GREB1: variants seen among roughly 807,000 people sequenced by gnomAD.
GREB1 encodes protein GREB1.
Under a neutral mutation model 200.7 loss-of-function variants are expected in GREB1, and 106 were observed. The observed-to-expected ratio is 0.53, with a 90% confidence interval of 0.45 to 0.62. The LOEUF (loss-of-function observed/expected upper bound fraction) is 0.62. Ranked by LOEUF, GREB1 falls within the 20% of genes least tolerant of loss-of-function variation. The pLI, the probability that GREB1 is intolerant of heterozygous loss-of-function variation, is 0.00. For missense variants in GREB1, 2,243 were observed against 2,556.8 expected (o/e 0.88, Z 2.65); for synonymous variants, 1,132 against 1,092.4 (o/e 1.04, Z -0.72).
chr2:11,605,126 G>A (rs1377579184), intron 17 of GREB1, among the ~76,000 whole-genome samples: 1 of 140,586 alleles, frequency 7.1e-6, no homozygotes, highest in African/African-American at 2.6e-5. Flanking sequence ...GTCTGGAGCT[G>A]GGCACCAGAG....
intron 3 of GREB1, among the ~76,000 whole-genome samples, chr2:11,563,720 C>T (rs1422906335): frequency 2.6e-5 from 4 of 152,160 alleles, no homozygotes; most frequent in Non-Finnish European, 5.9e-5. Context: ...ACAAATATTT[C>T]TGGAATGCCT....
chr2:11,573,510 T>C (rs1227512887), intron 4 of GREB1, among the ~76,000 whole-genome samples: 3 of 152,190 alleles, frequency 2.0e-5, no homozygotes, highest in Admixed American at 1.3e-4. Flanking sequence ...GCTCATTATT[T>C]TCCTCTTTCT....
In GREB1 at chr2:11,631,971, C is replaced by G. The variant is rs757789807; in HGVS notation, c.4674C>G (p.Leu1558=). 1.2e-6 allele frequency: 2 copies of G among 1,614,188 alleles called. No homozygotes were observed. The highest frequency in any genetic ancestry group is 1.3e-5 in the African/African-American group (1 of 75,046). The part of the protein sequence containing the change: ...TPTTGRHEHG[L]FNLYHAMDGA... ...CCACCGGCCGTCACGAACATGGGCT[C>G]TTTAATCTGTACCACGCAATGGACG... Residue 1558 remains leucine (L), a synonymous_variant, in exon 27 of 33, where the codon CTC becomes CTG. Coordinates refer to ENST00000381486, the MANE Select transcript of GREB1 (RefSeq NM_014668.4).
At chr2:11,609,242 T>TTTTATTTATTTA (rs60473726) in intron 17 of GREB1, among the ~76,000 whole-genome samples, 12,411 of 136,800 alleles carry the variant, frequency 0.091, 702 homozygotes, top group East Asian at 0.11. Context: ...GGCATTATTA[T>TTTTATTTATTTA]TTTATTTATT....
intron 1 of GREB1, among the ~76,000 whole-genome samples, chr2:11,484,762 A>T (rs1672611155): frequency 6.6e-6 from 1 of 152,206 alleles, no homozygotes; most frequent in Non-Finnish European, 1.5e-5. Context: ...CACTGCACGT[A>T]GCAGGGGGTG....
At chr2:11,634,059 A>G (rs1229441412) in intron 28 of GREB1, 72 bp from the exon 29 acceptor site, 3 of 1,414,276 alleles carry the variant, frequency 2.1e-6, no homozygotes, top group Non-Finnish European at 3.0e-6. Context: ...CCGGTGCCAC[A>G]CTGCCTGGTC....
chr2:11,547,751 T>G (rs1021465501), intron 1 of GREB1, among the ~76,000 whole-genome samples: 2 of 152,226 alleles, frequency 1.3e-5, no homozygotes, highest in Non-Finnish European at 2.9e-5. Context: ...CCTTTTTTTC[T>G]TCTTCTCTGG....
intron 1 of GREB1, among the ~76,000 whole-genome samples, chr2:11,494,415 T>TG (rs1186068401): frequency 6.6e-6 from 1 of 152,254 alleles, no homozygotes; most frequent in East Asian, 1.9e-4. Flanking sequence ...GATTCCCTGA[T>TG]GGGGGTGCCC....
chr2:11,564,104 T>G (rs1677374568), intron 3 of GREB1, among the ~76,000 whole-genome samples: 1 of 152,050 alleles, frequency 6.6e-6, no homozygotes, highest in Non-Finnish European at 1.5e-5. Context: ...GCTTAGTGGG[T>G]GAAATTACAG....
chr2:11,637,809 C>A lies in GREB1; in HGVS notation c.5440C>A (p.Leu1814Met), dbSNP rs34955282. The change falls in exon 31 of 33, where the codon CTG becomes ATG. Residue 1814 changes from leucine to methionine, a missense_variant. Transcript: ENST00000381486. Reference sequence around the variant, plus strand: ...CCTCGCAGCGCCCGCCCAGCTCCTGCTGGAGAAGTTCCTGCAGCACCACAG... The same window carrying A: ...CCTCGCAGCGCCCGCCCAGCTCCTGATGGAGAAGTTCCTGCAGCACCACAG... ...TFLAAPAQLL[L>M]EKFLQHHSHL... 1 of 1,614,210 alleles carries A rather than the reference C, an allele frequency of 6.2e-7. No individual in the cohort carries two copies. The highest frequency in any genetic ancestry group is 1.7e-5 in the Admixed American group (1 of 60,028).
chr2:11,487,247 C>T (rs983320654), intron 1 of GREB1, among the ~76,000 whole-genome samples: 7 of 152,056 alleles, frequency 4.6e-5, no homozygotes, highest in African/African-American at 1.7e-4. Flanking sequence ...AACTTGACTG[C>T]TCTTAGGAAG....
In GREB1 at chr2:11,640,339, C is replaced by T. The variant is rs778032741; in HGVS notation, c.5735C>T (p.Thr1912Met). Residue 1912 changes from threonine (T) to methionine (M), a missense_variant, in exon 33 of 33, where the codon ACG (threonine) becomes ATG (methionine). Transcript: ENST00000381486. The surrounding 1 kb of genome is among the most constrained non-coding windows in gnomAD (Gnocchi z 4.6). ...ICQDRSSLRQ[T>M]VVRLELEDEW... Reference sequence around the variant, plus strand: ...CAGGACCGGAGCTCACTGCGCCAGACGGTCGTCCGCCTGGAGCTCGAGGAC... The same window carrying T: ...CAGGACCGGAGCTCACTGCGCCAGATGGTCGTCCGCCTGGAGCTCGAGGAC... The T allele has an allele frequency of 1.2e-6, 2 of 1,614,128 alleles. No individual in the cohort carries two copies. The highest frequency in any genetic ancestry group is 1.7e-6 in the Non-Finnish European group (2 of 1,180,018).
intron 17 of GREB1, among the ~76,000 whole-genome samples, chr2:11,606,635 T>C (rs1682317073): frequency 6.6e-6 from 1 of 152,038 alleles, no homozygotes. Flanking sequence ...CCTTTTACTT[T>C]GAGCATGTTT....
chr2:11,566,588 A>C lies in GREB1; in HGVS notation c.386A>C (p.Asp129Ala). 1.2e-6 allele frequency: 2 copies of C among 1,614,048 alleles called. No homozygotes were observed. Among genetic ancestry groups the C allele is most frequent in the Non-Finnish European group, 1.7e-6 (2 of 1,180,006 alleles). ...LVGVKSPSLP[D>A]HLLVCAVDKR... ...GGGGTCAAGTCCCCCAGCCTGCCGG[A>C]CCATCTCCTGGTGTGCGCCGTTGAC... The change falls in exon 4 of 33, where the codon GAC becomes GCC. Residue 129 changes from aspartate to alanine, a missense_variant. Physicochemically the swap from Asp to Ala is moderately radical, Grantham distance 126 (BLOSUM62 -2). Coordinates refer to ENST00000381486, the MANE Select transcript of GREB1 (RefSeq NM_014668.4).
At chr2:11,613,198 G>A (rs577393207) in intron 19 of GREB1, among the ~76,000 whole-genome samples, 1 of 152,126 alleles carries the variant, frequency 6.6e-6, no homozygotes, top group African/African-American at 2.4e-5. Flanking sequence ...CCGCTGGTGT[G>A]GGGGGTCTCT....
intron 1 of GREB1, among the ~76,000 whole-genome samples, chr2:11,514,161 C>T (rs1673424568): frequency 6.6e-6 from 1 of 152,180 alleles, no homozygotes; most frequent in African/African-American, 2.4e-5. Flanking sequence ...CTCCAAATCC[C>T]AGGAAGCAGG....
At chr2:11,608,600 A>G (rs1455580106) in intron 17 of GREB1, among the ~76,000 whole-genome samples, 1 of 152,214 alleles carries the variant, frequency 6.6e-6, no homozygotes, top group African/African-American at 2.4e-5. Context: ...GTTAGTCAGG[A>G]CCAGAGCAGT....
At chr2:11,496,987 G>T (rs967761627) in intron 1 of GREB1, among the ~76,000 whole-genome samples, 11 of 151,990 alleles carry the variant, frequency 7.2e-5, no homozygotes, top group Non-Finnish European at 1.5e-4. Context: ...GGTAGAGATG[G>T]GGTCTCACTT....
intron 1 of GREB1, among the ~76,000 whole-genome samples, chr2:11,513,529 C>G (rs1039589583): frequency 6.2e-4 from 95 of 152,320 alleles, no homozygotes; most frequent in African/African-American, 2.1e-3. Flanking sequence ...TTTCAGGAAG[C>G]CTTCCCTGAT....
Sources: allele counts gnomAD v4.1 joint callset (sites outside exome capture counted in the v4.1 genomes callset), GRCh38; gene constraint gnomAD v4.1.1; non-coding constraint Gnocchi (gnomAD v3.1); transcripts MANE v1.5; gene names NCBI Gene and HGNC (gene_info 2026-07-23, HGNC 2026-07-21).